WDFY2: variants seen among roughly 807,000 people sequenced by gnomAD.
WDFY2 encodes WD repeat and FYVE domain-containing protein 2.
A neutral mutation model predicts 56.4 loss-of-function variants in WDFY2; 36 were observed. The observed-to-expected ratio is 0.64, with a 90% CI of 0.49 to 0.84. WDFY2 has a LOEUF of 0.84. Ranked by LOEUF, WDFY2 falls within the 40% of genes least tolerant of loss-of-function variation. The probability of loss-of-function intolerance (pLI) is 0.00; values close to 1 mark genes in which losing one functional copy is unlikely to be tolerated. For synonymous variants in WDFY2, 176 were observed against 183.7 expected (o/e 0.96, Z 0.34); for missense variants, 444 against 512.2 (o/e 0.87, Z 1.29).
At chr13:51,659,031 A>C (rs1453318376) in intron 1 of WDFY2, among the ~76,000 whole-genome samples, 1 of 152,044 alleles carries the variant, frequency 6.6e-6, no homozygotes, top group Admixed American at 6.5e-5. Flanking sequence ...GGTTCAAGTG[A>C]TTCTCCTGCC....
chr13:51,753,555 C>T (rs891920275), intron 8 of WDFY2, among the ~76,000 whole-genome samples: 1 of 152,114 alleles, frequency 6.6e-6, no homozygotes, highest in Non-Finnish European at 1.5e-5. Flanking sequence ...AACATGTTGG[C>T]ACACATCCTT....
chr13:51,713,866 AG>A (rs1952283124), intron 4 of WDFY2, among the ~76,000 whole-genome samples: 1 of 148,918 alleles, frequency 6.7e-6, no homozygotes, highest in African/African-American at 2.5e-5. Context: ...AAAAAAAAAA[AG>A]GAGAAATACT....
In WDFY2 at chr13:51,719,237, A is replaced by T; in HGVS notation, c.374A>T (p.Glu125Val). Residue 125 changes from glutamate (E) to valine (V), a missense_variant, in exon 5 of 12, where the codon GAG (glutamate) becomes GTG (valine). Physicochemically the swap from Glu to Val is moderately radical, Grantham distance 121. Transcript: ENST00000298125. ...SRVTMILFVL[E>V]LEWVLSTGQD... is the part of the protein sequence containing the mutation. Reference sequence around the variant, plus strand: ...GTGACGATGATCCTGTTTGTCCTGGAGCTGGAGTGGGTGCTGAGCACAGGA... The same window carrying T: ...GTGACGATGATCCTGTTTGTCCTGGTGCTGGAGTGGGTGCTGAGCACAGGA... 1 of 1,614,094 alleles carries T rather than the reference A, an allele frequency of 6.2e-7. No homozygotes were observed. Among genetic ancestry groups the T allele is most frequent in the South Asian group, 1.1e-5 (1 of 91,078 alleles).
chr13:51,627,547 G>T lies in WDFY2; in HGVS notation c.138-33049G>T, dbSNP rs1038278927. ...CCACACCTGGCTAATTTTTTTTTTTGTTGTTATTGTATTTTTAGTAGAGAT... is the reference window on the plus strand; with the variant it reads ...CCACACCTGGCTAATTTTTTTTTTTTTTGTTATTGTATTTTTAGTAGAGAT... On this transcript the variant is annotated intron_variant, in intron 1 of 11. Coordinates refer to ENST00000298125, the MANE Select transcript of WDFY2 (RefSeq NM_052950.4). 1.1e-4 allele frequency among the ~76,000 whole-genome samples: 17 copies of T among 150,646 alleles called. No homozygotes were observed. In the South Asian group the frequency reaches 1.3e-3, roughly 11 times the overall value.
chr13:51,693,756 T>C (rs1475089173), intron 3 of WDFY2, among the ~76,000 whole-genome samples: 51 of 152,142 alleles, frequency 3.4e-4, no homozygotes, highest in African/African-American at 1.2e-3. Context: ...TTCTGTCTCG[T>C]TGATCTGTCT....
intron 1 of WDFY2, among the ~76,000 whole-genome samples, chr13:51,628,031 A>G (rs1954870646): frequency 6.6e-6 from 1 of 152,208 alleles, no homozygotes; most frequent in South Asian, 2.1e-4. Context: ...TTTGGGCCCC[A>G]GACTCTAGCT....
intron 1 of WDFY2, among the ~76,000 whole-genome samples, chr13:51,602,039 CTT>C (rs1403380845): frequency 6.6e-6 from 1 of 152,176 alleles, no homozygotes; most frequent in African/African-American, 2.4e-5. Flanking sequence ...GTAGATATGA[CTT>C]TGAGTTATAT....
At chr13:51,729,501 TCTC>T (rs1299602355) in intron 6 of WDFY2, among the ~76,000 whole-genome samples, 1 of 151,678 alleles carries the variant, frequency 6.6e-6, no homozygotes, top group Non-Finnish European at 1.5e-5. Flanking sequence ...CTTCTCCTCT[TCTC>T]AGTGCAGGAG....
At chr13:51,685,741 T>A (rs566076471) in intron 3 of WDFY2, among the ~76,000 whole-genome samples, 20 of 152,270 alleles carry the variant, frequency 1.3e-4, no homozygotes, top group Admixed American at 1.1e-3. Flanking sequence ...AATCCATGGT[T>A]CAAGGGTCAA....
At chr13:51,695,879 A>G (rs562979677) in intron 3 of WDFY2, among the ~76,000 whole-genome samples, 120 of 152,338 alleles carry the variant, frequency 7.9e-4, no homozygotes, top group Non-Finnish European at 1.0e-3. Flanking sequence ...AGCCTGGACA[A>G]TGGTGGGTGC....
intron 1 of WDFY2, among the ~76,000 whole-genome samples, chr13:51,654,554 T>A (rs974960547): frequency 3.4e-4 from 52 of 151,700 alleles, no homozygotes; most frequent in Non-Finnish European, 5.8e-4. Context: ...CCACCCAGAC[T>A]TTTTTTCCCC....
At chr13:51,738,248 ATTG>A (rs372451704) in intron 6 of WDFY2, among the ~76,000 whole-genome samples, 138 of 152,306 alleles carry the variant, frequency 9.1e-4, no homozygotes, top group Middle Eastern at 6.8e-3. Context: ...AAAAATTCTT[ATTG>A]TTCTCAGTAT....
chr13:51,654,022 G>A (rs949065010), intron 1 of WDFY2, among the ~76,000 whole-genome samples: 4 of 152,184 alleles, frequency 2.6e-5, no homozygotes, highest in Non-Finnish European at 5.9e-5. Flanking sequence ...TACAGAGGCA[G>A]ACGCCTCCTT....
intron 1 of WDFY2, among the ~76,000 whole-genome samples, chr13:51,585,198 C>T (rs571006047): frequency 6.6e-6 from 1 of 152,348 alleles, no homozygotes; most frequent in African/African-American, 2.4e-5. Flanking sequence ...CCCTGAGCCG[C>T]CTCTGCAAGA....
intron 2 of WDFY2, among the ~76,000 whole-genome samples, chr13:51,661,942 G>GT (rs911721660): frequency 6.3e-4 from 95 of 151,234 alleles, no homozygotes; most frequent in African/African-American, 1.9e-3. Context: ...AATTCTCTAG[G>GT]TTTTTTTTTC....
At chr13:51,628,614 C>A (rs1025444679) in intron 1 of WDFY2, among the ~76,000 whole-genome samples, 1 of 152,136 alleles carries the variant, frequency 6.6e-6, no homozygotes, top group Non-Finnish European at 1.5e-5. Flanking sequence ...CTAGCGGCAC[C>A]CCCCCTGCTG....
At chr13:51,629,188 G>T (rs1323806558) in intron 1 of WDFY2, among the ~76,000 whole-genome samples, 1 of 152,190 alleles carries the variant, frequency 6.6e-6, no homozygotes, top group African/African-American at 2.4e-5. Context: ...GCTAACAGAG[G>T]AAGACCATGA....
chr13:51,696,642 G>A (rs1191198172), intron 3 of WDFY2, among the ~76,000 whole-genome samples: 1 of 152,090 alleles, frequency 6.6e-6, no homozygotes, highest in Non-Finnish European at 1.5e-5. Context: ...GAAAAAGATC[G>A]ATTTTAATTC....
intron 1 of WDFY2, among the ~76,000 whole-genome samples, chr13:51,595,706 A>C (rs1287838000): frequency 6.6e-6 from 1 of 152,248 alleles, no homozygotes; most frequent in East Asian, 1.9e-4. Flanking sequence ...AAGAAAAAAG[A>C]AATCAAAAGA....
Sources: gnomAD v4.1 joint callset for allele counts (sites outside exome capture counted in the v4.1 genomes callset) on GRCh38, gnomAD v4.1.1 for gene constraint, MANE v1.5 for transcripts, NCBI Gene and HGNC (gene_info 2026-07-23, HGNC 2026-07-21) for gene names.